The following CACNA1D variants were observed in gnomAD, a reference collection of about 807,000 sequenced individuals.
CACNA1D encodes the protein calcium voltage-gated channel subunit alpha1 D.
In CACNA1D, 55 loss-of-function variants were observed where a neutral mutation model predicts 257.1. That is an observed-to-expected ratio of 0.21 (90% CI 0.17 to 0.27). CACNA1D has a LOEUF of 0.27. Ranked by LOEUF, CACNA1D falls within the 10% of genes least tolerant of loss-of-function variation. The probability of loss-of-function intolerance (pLI) is 1.00; values close to 1 mark genes in which losing one functional copy is unlikely to be tolerated. For missense variants in CACNA1D, 1,876 were observed against 2,784.0 expected (o/e 0.67, Z 7.34); for synonymous variants, 980 against 1,014.9 (o/e 0.97, Z 0.65).
intron 1 of CACNA1D, among the ~76,000 whole-genome samples, chr3:53,496,866 T>C (rs2090373231): frequency 6.6e-6 from 1 of 152,308 alleles, no homozygotes; most frequent in Non-Finnish European, 1.5e-5. Flanking sequence ...AGAAATGCAC[T>C]AAAAGACCCT....
intron 3 of CACNA1D, among the ~76,000 whole-genome samples, chr3:53,619,152 T>A (rs974198040): frequency 6.6e-6 from 1 of 152,198 alleles, no homozygotes; most frequent in African/African-American, 2.4e-5. Context: ...CACCCCACAG[T>A]GGCTCTGATT....
chr3:53,713,888 C>T (rs548738100), intron 9 of CACNA1D, among the ~76,000 whole-genome samples: 1 of 152,190 alleles, frequency 6.6e-6, no homozygotes, highest in East Asian at 1.9e-4. Flanking sequence ...CCAGTGGCAC[C>T]CAGGCCCCCC....
At chr3:53,651,366 C>CTTTGTTTT (rs2094091595) in intron 4 of CACNA1D, among the ~76,000 whole-genome samples, 1 of 81,836 alleles carries the variant, frequency 1.2e-5, no homozygotes, top group African/African-American at 4.4e-5. Flanking sequence ...TATTAATTTT[C>CTTTGTTTT]TTTTTTTTTT....
intron 8 of CACNA1D, among the ~76,000 whole-genome samples, chr3:53,684,492 G>C (rs1576343675): frequency 6.6e-6 from 1 of 151,904 alleles, no homozygotes; most frequent in African/African-American, 2.4e-5. Flanking sequence ...GAGTGGTGGC[G>C]CATGCCTGTG....
chr3:53,526,970 AC>A (rs1284082190), intron 3 of CACNA1D, among the ~76,000 whole-genome samples: 1 of 152,176 alleles, frequency 6.6e-6, no homozygotes, highest in Non-Finnish European at 1.5e-5. Context: ...TCCACTGCCC[AC>A]CCACACTTGG....
At chr3:53,809,762 A>G (rs1314579116) in intron 46 of CACNA1D, 1 of 596,696 alleles carries the variant, frequency 1.7e-6, no homozygotes, top group East Asian at 2.8e-5. Flanking sequence ...AAGGAAATGC[A>G]TTATGGATTC....
chr3:53,643,391 T>C (rs1321093914), intron 3 of CACNA1D, among the ~76,000 whole-genome samples: 1 of 152,168 alleles, frequency 6.6e-6, no homozygotes, highest in Non-Finnish European at 1.5e-5. Context: ...AGCTGTGTGA[T>C]AGCGCTGCGG....
rs544557570 is a variant in CACNA1D, at chr3:53,703,899, A to G, written c.1390+1089A>G. Among the ~76,000 whole-genome samples, 4 of 152,276 alleles carry G rather than the reference A, an allele frequency of 2.6e-5. No individual in the cohort carries two copies. In the South Asian group the frequency reaches 8.3e-4, roughly 32 times the overall value. ...TGCAGGGCACACATAGAGGGCAGGC[A>G]CCGCCGACGAGGGATCGAGGACAGG... On this transcript the variant is annotated intron_variant, in intron 9 of 47. Transcript: ENST00000350061.
At chr3:53,674,302 G>C (rs1347345547) in intron 8 of CACNA1D, among the ~76,000 whole-genome samples, 2 of 152,112 alleles carry the variant, frequency 1.3e-5, no homozygotes, top group Admixed American at 6.5e-5. Flanking sequence ...CATAAATACT[G>C]GACAGTTTCA....
chr3:53,589,600 T>C (rs551787205), intron 3 of CACNA1D, among the ~76,000 whole-genome samples: 2 of 152,264 alleles, frequency 1.3e-5, no homozygotes, highest in South Asian at 4.2e-4. Flanking sequence ...AACTAATGTG[T>C]CATTTTCCTC....
At chr3:53,625,279 G>A (rs1167832661) in intron 3 of CACNA1D, among the ~76,000 whole-genome samples, 1 of 152,204 alleles carries the variant, frequency 6.6e-6, no homozygotes, top group African/African-American at 2.4e-5. Context: ...TGGTGGGATG[G>A]ACTACAGAGT....
rs752325493 is a variant in CACNA1D at position 53,497,297 on chromosome 3, C to T, written c.213C>T (p.Thr71=). ...RQAKAAQTMS[T]SAPPPVGSLS... ...CCAAGGCTGCCCAAACTATGAGCAC[C>T]TCTGCACCCCCACCTGTAGGATCTC... Residue 71 remains threonine, a synonymous_variant, in exon 2 of 48, where the codon ACC becomes ACT. Coordinates refer to ENST00000350061, the MANE Select transcript of CACNA1D (RefSeq NM_001128840.3). 1 of 1,614,140 alleles carries T rather than the reference C, an allele frequency of 6.2e-7. No individual in the cohort carries two copies.
intron 3 of CACNA1D, among the ~76,000 whole-genome samples, chr3:53,588,111 A>G (rs1278326312): frequency 6.6e-6 from 1 of 152,212 alleles, no homozygotes; most frequent in African/African-American, 2.4e-5. Flanking sequence ...GAGAACACAC[A>G]CTTTTATGAC....
At chr3:53,740,751 C>A (rs1576520412) in intron 21 of CACNA1D, among the ~76,000 whole-genome samples, 1 of 152,016 alleles carries the variant, frequency 6.6e-6, no homozygotes, top group South Asian at 2.1e-4. Context: ...AAAAAAAATA[C>A]CCTCTGTAAT....
chr3:53,698,987 C>T (rs2108569974), intron 8 of CACNA1D, among the ~76,000 whole-genome samples: 1 of 152,254 alleles, frequency 6.6e-6, no homozygotes, highest in Admixed American at 6.5e-5. Context: ...GTAAAACAAT[C>T]TCTTAGTAAT....
intron 9 of CACNA1D, among the ~76,000 whole-genome samples, chr3:53,713,697 G>T (rs1390163237): frequency 6.6e-6 from 1 of 152,200 alleles, no homozygotes; most frequent in Non-Finnish European, 1.5e-5. Flanking sequence ...TTTACTGTGT[G>T]TGGCATTGCC....
intron 3 of CACNA1D, among the ~76,000 whole-genome samples, chr3:53,595,973 T>C (rs2093365001): frequency 6.6e-6 from 1 of 152,176 alleles, no homozygotes; most frequent in East Asian, 1.9e-4. Context: ...TAGACCTTCT[T>C]GATCTCCTGG....
At chr3:53,671,182 A>G (rs1384324338) in intron 7 of CACNA1D, among the ~76,000 whole-genome samples, 1 of 152,230 alleles carries the variant, frequency 6.6e-6, no homozygotes, top group African/African-American at 2.4e-5. Flanking sequence ...CAAGTAGAGA[A>G]GACAGCTGTT....
intron 3 of CACNA1D, among the ~76,000 whole-genome samples, chr3:53,615,239 A>C (rs529553680): frequency 6.6e-6 from 1 of 152,262 alleles, no homozygotes; most frequent in Admixed American, 6.5e-5. Flanking sequence ...CAGGGGTTCA[A>C]ATCTTCAGTT....
Sources: gnomAD v4.1 joint callset for allele counts (sites outside exome capture counted in the v4.1 genomes callset) on GRCh38, gnomAD v4.1.1 for gene constraint, MANE v1.5 for transcripts, NCBI Gene and HGNC (gene_info 2026-07-23, HGNC 2026-07-21) for gene names.